The following GRID2 variants were observed in gnomAD, a reference collection of about 807,000 sequenced individuals.
The protein encoded by GRID2 is glutamate ionotropic receptor delta type subunit 2.
In GRID2, 33 loss-of-function variants were observed where a neutral mutation model predicts 114.8. The ratio of observed to expected loss-of-function variants is 0.29; its 90% CI spans 0.22 to 0.38. The LOEUF (loss-of-function observed/expected upper bound fraction) is 0.38, where lower values mean the gene tolerates loss of function less well. GRID2 is among the 10% of genes least tolerant of loss of function. GRID2 has a pLI of 1.00. For synonymous variants in GRID2, 505 were observed against 449.9 expected, an observed-to-expected ratio of 1.12 and a Z score of -1.55; for missense variants, 1,184 against 1,257.7, an observed-to-expected ratio of 0.94 and a Z score of 0.89.
chr4:93,106,700 C>T (rs1056670440), intron 3 of GRID2, among the ~76,000 whole-genome samples: 17 of 152,136 alleles, frequency 1.1e-4, no homozygotes, highest in Non-Finnish European at 2.2e-4. Flanking sequence ...TTGAACTTAC[C>T]AGTTGCCACA....
chr4:92,403,468 C>T (rs192795801), intron 1 of GRID2, among the ~76,000 whole-genome samples: 1 of 151,936 alleles, frequency 6.6e-6, no homozygotes, highest in Admixed American at 6.6e-5. Context: ...GAGGCTGAAG[C>T]AGGCGGATTA....
chr4:92,482,528 G>A (rs6811045), intron 1 of GRID2, among the ~76,000 whole-genome samples: 3,307 of 152,076 alleles, frequency 0.022, 128 homozygotes, highest in African/African-American at 0.076. Context: ...TTGGTCAAAG[G>A]CAAATAAGAA....
intron 2 of GRID2, among the ~76,000 whole-genome samples, chr4:92,728,020 TG>T (rs1335391892): frequency 2.0e-5 from 3 of 152,102 alleles, no homozygotes; most frequent in Non-Finnish European, 2.9e-5. Context: ...AGAATTTTCT[TG>T]GTTTAATTTG....
At chr4:92,941,121 T>C (rs1167900554) in intron 2 of GRID2, among the ~76,000 whole-genome samples, 1 of 152,222 alleles carries the variant, frequency 6.6e-6, no homozygotes, top group East Asian at 1.9e-4. Flanking sequence ...TTCTAATGAT[T>C]GGAATAGTTT....
At chr4:92,647,167 C>T (rs994007522) in intron 2 of GRID2, among the ~76,000 whole-genome samples, 12 of 152,166 alleles carry the variant, frequency 7.9e-5, no homozygotes, top group South Asian at 2.1e-4. Flanking sequence ...TTGTGTATCT[C>T]CTTGTTTATA....
At chr4:93,349,731 C>G (rs901842637) in intron 8 of GRID2, among the ~76,000 whole-genome samples, 2 of 151,966 alleles carry the variant, frequency 1.3e-5, no homozygotes, top group African/African-American at 4.8e-5. Context: ...TCTCAGTGTT[C>G]CAGGGCAGGA....
rs139455963 is a variant in GRID2, at chr4:93,005,483, G to A, written c.245-79512G>A. On this transcript the variant is annotated intron_variant, in intron 2 of 15. Transcript: ENST00000282020. ...GCTTTCATTCTTTCAGCAGCAGCAA[G>A]CATGATCTTTTCAAAATGGATACTT... Among the ~76,000 whole-genome samples, 597 of 152,114 alleles carry A rather than the reference G, an allele frequency of 3.9e-3. 20 individuals are homozygous for A. The East Asian group carries it at 0.062, about 16-fold the overall frequency.
intron 2 of GRID2, among the ~76,000 whole-genome samples, chr4:92,655,977 A>G (rs1409255255): frequency 6.6e-6 from 1 of 151,740 alleles, no homozygotes; most frequent in African/African-American, 2.4e-5. Flanking sequence ...ACTTTTCCCC[A>G]TTCAGTATTA....
At chr4:93,408,070 A>G (rs2149348452) in intron 9 of GRID2, among the ~76,000 whole-genome samples, 1 of 152,256 alleles carries the variant, frequency 6.6e-6, no homozygotes, top group East Asian at 1.9e-4. Context: ...GTACTCAAGA[A>G]AAAAGTATTG....
At chr4:92,784,651 A>G (rs1486548999) in intron 2 of GRID2, among the ~76,000 whole-genome samples, 2 of 151,936 alleles carry the variant, frequency 1.3e-5, no homozygotes, top group African/African-American at 4.8e-5. Flanking sequence ...AAGAAAGTCA[A>G]TACTTTAGTG....
At chr4:93,132,584 T>C (rs1734901734) in intron 4 of GRID2, among the ~76,000 whole-genome samples, 1 of 152,204 alleles carries the variant, frequency 6.6e-6, no homozygotes, top group South Asian at 2.1e-4. Context: ...TTACCTGATA[T>C]CTCTTTAGAA....
intron 1 of GRID2, among the ~76,000 whole-genome samples, chr4:92,454,804 C>G (rs1721122350): frequency 6.6e-6 from 1 of 152,222 alleles, no homozygotes; most frequent in Non-Finnish European, 1.5e-5. Context: ...CCACTGCACT[C>G]CAGCCTGGGG....
chr4:92,425,044 C>T (rs1166311358), intron 1 of GRID2, among the ~76,000 whole-genome samples: 1 of 151,768 alleles, frequency 6.6e-6, no homozygotes, highest in African/African-American at 2.4e-5. Flanking sequence ...GTGTTGAATT[C>T]AGCAGAATCT....
chr4:93,069,093 G>A (rs1443501186), intron 2 of GRID2, among the ~76,000 whole-genome samples: 1 of 151,764 alleles, frequency 6.6e-6, no homozygotes, highest in African/African-American at 2.4e-5. Flanking sequence ...GTATCGGGGG[G>A]CTGGTACTAA....
At chr4:93,380,241 T>C (rs1315573367) in intron 8 of GRID2, among the ~76,000 whole-genome samples, 2 of 151,862 alleles carry the variant, frequency 1.3e-5, no homozygotes, top group Non-Finnish European at 2.9e-5. Flanking sequence ...GAGACAGCCA[T>C]GTGAAAATGG....
chr4:93,455,561 C>T, intron 10 of GRID2, 101 bp from the exon 11 acceptor site: 1 of 690,672 alleles, frequency 1.4e-6, no homozygotes, highest in Non-Finnish European at 2.6e-6. Context: ...ATTTATATTG[C>T]CTGAGGCATC....
intron 1 of GRID2, among the ~76,000 whole-genome samples, chr4:92,493,825 A>G (rs1363591595): frequency 6.6e-6 from 1 of 152,198 alleles, no homozygotes; most frequent in Non-Finnish European, 1.5e-5. Flanking sequence ...ATAGGAGACC[A>G]CTAGAAATAA....
chr4:93,303,510 T>G (rs1245029377), intron 8 of GRID2, among the ~76,000 whole-genome samples: 1 of 152,088 alleles, frequency 6.6e-6, no homozygotes, highest in Non-Finnish European at 1.5e-5. Flanking sequence ...CAAGTCTCAT[T>G]CTCCTGTTTA....
chr4:92,723,867 C>T (rs1202311048), intron 2 of GRID2, among the ~76,000 whole-genome samples: 4 of 152,106 alleles, frequency 2.6e-5, no homozygotes, highest in Non-Finnish European at 4.4e-5. Flanking sequence ...CCTATTACCT[C>T]TTGTTTGTAA....
Sources: gnomAD v4.1 joint callset for allele counts (sites outside exome capture counted in the v4.1 genomes callset) on GRCh38, gnomAD v4.1.1 for gene constraint, MANE v1.5 for transcripts, NCBI Gene and HGNC (gene_info 2026-07-23, HGNC 2026-07-21) for gene names.